B3GALT5: variants seen among roughly 807,000 people sequenced by gnomAD.
B3GALT5 encodes the protein UDP-Gal:betaGlcNAc beta 1,3-galactosyltransferase, polypeptide 5.
For synonymous variants in B3GALT5, 156 were observed against 158.6 expected (o/e 0.98, Z 0.12); for missense variants, 328 against 396.6 (o/e 0.83, Z 1.47).
Position 39,659,866 on chromosome 21 carries a change from C to A in B3GALT5, c.-47C>A. 1 of 985,192 alleles carries A rather than the reference C, an allele frequency of 1.0e-6. No individual in the cohort carries two copies. The highest frequency in any genetic ancestry group is 1.2e-6 in the Non-Finnish European group (1 of 829,896). 61.0% of individuals were successfully genotyped at this position (985,192 alleles called of 1,614,324 possible). On this transcript the variant is annotated 5_prime_UTR_variant, in exon 3 of 4. The change creates a new upstream start codon in the 5' untranslated region. Transcript: ENST00000684187. ...GACAAATTTCCTCTTGGCATTTACA[C>A]TGTGGCTTTAGCTTTCAAACCAGAG...
chr21:39,650,101 A>T (rs980592625), intron 2 of B3GALT5, among the ~76,000 whole-genome samples: 2 of 152,156 alleles, frequency 1.3e-5, no homozygotes, highest in African/African-American at 4.8e-5. Context: ...AGGGGAGGTG[A>T]TCAGAAGAGG....
chr21:39,625,105 C>G (rs1342970811), intron 1 of B3GALT5, among the ~76,000 whole-genome samples: 1 of 152,200 alleles, frequency 6.6e-6, no homozygotes, highest in East Asian at 1.9e-4. Flanking sequence ...GTTTTGGTGA[C>G]TTTTCATACA....
At chr21:39,627,410 C>T (rs989826991) in intron 1 of B3GALT5, among the ~76,000 whole-genome samples, 10 of 152,204 alleles carry the variant, frequency 6.6e-5, no homozygotes, top group African/African-American at 2.4e-4. Flanking sequence ...TAACACCTAC[C>T]TTGCAGCTGG....
chr21:39,638,341 A>G (rs1246182105), intron 1 of B3GALT5, among the ~76,000 whole-genome samples: 1 of 152,204 alleles, frequency 6.6e-6, no homozygotes, highest in Admixed American at 6.5e-5. Context: ...GGAGGAACAC[A>G]TGGGCGGCTG....
intron 2 of B3GALT5, among the ~76,000 whole-genome samples, chr21:39,648,151 A>G (rs2079359269): frequency 6.6e-6 from 1 of 152,252 alleles, no homozygotes; most frequent in Admixed American, 6.5e-5. Context: ...CATATTTGAC[A>G]CTGTGGACGA....
intron 1 of B3GALT5, among the ~76,000 whole-genome samples, chr21:39,619,121 C>G (rs2079121861): frequency 6.6e-6 from 1 of 151,674 alleles, no homozygotes; most frequent in Non-Finnish European, 1.5e-5. Context: ...ATTTTATGGT[C>G]TGCTTGGGCT....
chr21:39,619,165 A>G (rs1272524127), intron 1 of B3GALT5, among the ~76,000 whole-genome samples: 1 of 152,166 alleles, frequency 6.6e-6, no homozygotes, highest in African/African-American at 2.4e-5. Flanking sequence ...GGATGGCTAA[A>G]CAACATAAAA....
In B3GALT5 at chr21:39,646,574, C is replaced by G. The variant is rs551503637; in HGVS notation, c.-209C>G. ...ATCCTGTCCAGAATGATGAAAGATA[C>G]AGAAAATGGTGCCTGCTGACCTTCT... On this transcript the variant is annotated 5_prime_UTR_variant, in exon 2 of 4. Transcript: ENST00000684187. 1 of 152,320 alleles carries G rather than the reference C, an allele frequency of 6.6e-6. No individual in the cohort carries two copies. Among genetic ancestry groups the G allele is most frequent in the Non-Finnish European group, 1.5e-5 (1 of 68,042 alleles). 9.4% of individuals were successfully genotyped at this position (152,320 alleles called of 1,614,324 possible).
chr21:39,618,124 T>C (rs1290353681), intron 1 of B3GALT5, among the ~76,000 whole-genome samples: 1 of 152,128 alleles, frequency 6.6e-6, no homozygotes, highest in Non-Finnish European at 1.5e-5. Flanking sequence ...CAATGCACTC[T>C]AGCATGGGCA....
Position 39,613,074 on chromosome 21 carries a change from C to T in B3GALT5, c.-392+7C>T, listed in dbSNP as rs1250537784. ...CGGGGCTGCCCCGCGCACGGTAAGG[C>T]CCGGGGCTGGGGCGCGGGGCGCGGG... is the stretch of plus-strand genomic sequence containing the variant. On this transcript the variant is annotated splice_region_variant and intron_variant, in intron 1 of 3. Coordinates refer to ENST00000684187, the MANE Select transcript of B3GALT5 (RefSeq NM_001356336.2). 6.7e-6 allele frequency: 1 copy of T among 148,916 alleles called. No homozygotes were observed. Among genetic ancestry groups the T allele is most frequent in the South Asian group, 1.9e-4 (1 of 5,266 alleles). 9.2% of individuals were successfully genotyped at this position (148,916 alleles called of 1,614,324 possible). A position where few individuals can be genotyped will look rare whatever the true frequency, so the allele number is the denominator to read the frequency against.
intron 2 of B3GALT5, among the ~76,000 whole-genome samples, chr21:39,656,266 G>T (rs1220451883): frequency 6.6e-6 from 1 of 152,168 alleles, no homozygotes; most frequent in Non-Finnish European, 1.5e-5. Flanking sequence ...TTCTCCCAAG[G>T]CCTATGCGGT....
rs974936383 is a variant in B3GALT5 at position 39,671,851 on chromosome 21, C to G, written c.*10359C>G. ...CTGAGTGCTAGGAACGGACCTCTTG[C>G]TCTCAGATTGGCCTTGAAGCTGAAG... On this transcript the variant is annotated 3_prime_UTR_variant, in exon 4 of 4. Transcript: ENST00000684187. 6.6e-6 allele frequency: 1 copy of G among 152,202 alleles called. No individual in the cohort carries two copies. Among genetic ancestry groups the G allele is most frequent in the Non-Finnish European group, 1.5e-5 (1 of 68,056 alleles). The allele number at this position is 152,202 out of a possible 1,614,324, so 9.4% of individuals were successfully genotyped here.
Position 39,656,810 on chromosome 21 carries a change from G to A in B3GALT5, c.-160-2943G>A, listed in dbSNP as rs114214964. ...TAGGATGCTGATGCCCAGATTTCCC[G>A]TTAGAGAGCCTTTCCCTATCCTGAC... On this transcript the variant is annotated intron_variant, in intron 2 of 3. Transcript: ENST00000684187. 1.5e-3 allele frequency among the ~76,000 whole-genome samples: 227 copies of A among 152,334 alleles called. 1 individual carries two copies. Among genetic ancestry groups the A allele is most frequent in the African/African-American group, 4.8e-3 (198 of 41,580 alleles).
intron 1 of B3GALT5, among the ~76,000 whole-genome samples, chr21:39,624,991 A>C (rs987498003): frequency 6.6e-6 from 1 of 152,098 alleles, no homozygotes; most frequent in South Asian, 2.1e-4. Flanking sequence ...GAAAATGAGG[A>C]TTTTCCTCTG....
intron 2 of B3GALT5, among the ~76,000 whole-genome samples, chr21:39,659,471 T>TTTA (rs2079486959): frequency 6.6e-6 from 1 of 152,224 alleles, no homozygotes; most frequent in South Asian, 2.1e-4. Context: ...GACTCTAATT[T>TTTA]ATGAGTTTAT....
intron 2 of B3GALT5, among the ~76,000 whole-genome samples, chr21:39,647,506 T>C (rs571394180): frequency 4.6e-5 from 7 of 151,262 alleles, no homozygotes; most frequent in Non-Finnish European, 8.8e-5. Flanking sequence ...GCCCGGGGAA[T>C]TTTTGTATTT....
In B3GALT5 at chr21:39,646,414, T is replaced by A. The variant is rs1244170670; in HGVS notation, c.-369T>A. On this transcript the variant is annotated 5_prime_UTR_variant, in exon 2 of 4. Transcript: ENST00000684187. ...CAGTTTCATCTGGAAGAGAGGCCAT[T>A]GAAACCAAGCATTTGTGTTCAAGTA... is the stretch of plus-strand genomic sequence containing the variant. The A allele has an allele frequency of 2.0e-5, 3 of 152,248 alleles. No individual in the cohort carries two copies. The allele number at this position is 152,248 out of a possible 1,614,324, so 9.4% of individuals were successfully genotyped here.
intron 1 of B3GALT5, among the ~76,000 whole-genome samples, chr21:39,640,902 G>C (rs1477204582): frequency 6.6e-6 from 1 of 151,990 alleles, no homozygotes; most frequent in Non-Finnish European, 1.5e-5. Flanking sequence ...ACCATGCCTG[G>C]CTATTTTTTC....
chr21:39,652,131 C>A (rs1002559980), intron 2 of B3GALT5, among the ~76,000 whole-genome samples: 1 of 152,144 alleles, frequency 6.6e-6, no homozygotes, highest in Non-Finnish European at 1.5e-5. Context: ...CTTGTAGCAG[C>A]AGGTGCCCCC....
Sources: gnomAD v4.1 joint callset for allele counts (sites outside exome capture counted in the v4.1 genomes callset) on GRCh38, gnomAD v4.1.1 for gene constraint, MANE v1.5 for transcripts, NCBI Gene and HGNC (gene_info 2026-07-23, HGNC 2026-07-21) for gene names.